ZDHHC14: variants seen among roughly 807,000 people sequenced by gnomAD.
The protein encoded by ZDHHC14 is zDHHC palmitoyltransferase 14.
ZDHHC14 carries 16 observed loss-of-function variants against 47.7 expected under a neutral mutation model. The observed-to-expected ratio is 0.34, with a 90% confidence interval of 0.23 to 0.51. The LOEUF is 0.51. Among genes scored for constraint, ZDHHC14 ranks in the 20% least tolerant of loss-of-function variants. The pLI, the probability that ZDHHC14 is intolerant of heterozygous loss-of-function variation, is 0.97. For synonymous variants in ZDHHC14, 293 were observed against 278.9 expected (o/e 1.05, Z -0.50); for missense variants, 515 against 662.5 (o/e 0.78, Z 2.44).
intron 1 of ZDHHC14, among the ~76,000 whole-genome samples, chr6:157,391,699 T>A (rs1387328668): frequency 1.3e-5 from 2 of 152,228 alleles, no homozygotes; most frequent in Non-Finnish European, 1.5e-5. Context: ...AGGAAGCGGC[T>A]ATTGGCCTTT....
At position 157,653,581 on chromosome 6, in the gene ZDHHC14, C is replaced by T. The variant is rs371549055; in HGVS notation, c.1022C>T (p.Ser341Phe). 7 of 1,614,010 alleles carry T rather than the reference C, an allele frequency of 4.3e-6. No homozygotes were observed. Among genetic ancestry groups the T allele is most frequent in the Non-Finnish European group, 5.9e-6 (7 of 1,179,986 alleles). Residue 341 changes from serine to phenylalanine, a missense_variant, in exon 8 of 9, where the codon TCC (serine) becomes TTC (phenylalanine). By Grantham distance (155) the Ser-to-Phe change is radical. This residue lies in a region of ZDHHC14 where 221 missense variants were observed against 233.6 expected (regional missense o/e 0.95). Coordinates refer to ENST00000359775, the MANE Select transcript of ZDHHC14 (RefSeq NM_024630.3). ...QPDTPQPAAP[S>F]NGITMYGATQ... ...GACACGCCGCAGCCAGCAGCACCCT[C>T]CAATGGCATCACCATGTACGGGGCC...
intron 1 of ZDHHC14, among the ~76,000 whole-genome samples, chr6:157,480,240 T>G (rs944577402): frequency 7.2e-5 from 11 of 151,840 alleles, no homozygotes; most frequent in Admixed American, 2.6e-4. Flanking sequence ...TCAGGTTTTT[T>G]TTGTTGTTGT....
intron 1 of ZDHHC14, among the ~76,000 whole-genome samples, chr6:157,484,312 TATAC>T (rs1779713215): frequency 8.9e-6 from 1 of 112,446 alleles, no homozygotes; most frequent in African/African-American, 3.0e-5. Context: ...TATACATATA[TATAC>T]ACATATATAT....
At chr6:157,394,343 A>G (rs1289483605) in intron 1 of ZDHHC14, among the ~76,000 whole-genome samples, 1 of 152,224 alleles carries the variant, frequency 6.6e-6, no homozygotes, top group East Asian at 1.9e-4. Context: ...CAGCCCACAT[A>G]TGAAGGACAG....
At chr6:157,631,678 C>T (rs960544708) in intron 4 of ZDHHC14, 1 of 152,242 alleles carries the variant, frequency 6.6e-6, no homozygotes. Flanking sequence ...GTCTGGATTT[C>T]CTTGGAGAGG....
intron 1 of ZDHHC14, among the ~76,000 whole-genome samples, chr6:157,438,390 G>T (rs1413885897): frequency 2.6e-5 from 4 of 152,176 alleles, no homozygotes; most frequent in Non-Finnish European, 5.9e-5. Flanking sequence ...TAATTTTAAA[G>T]ATTGTAAGGT....
chr6:157,641,438 A>G (rs1303948195), intron 5 of ZDHHC14, among the ~76,000 whole-genome samples: 1 of 152,196 alleles, frequency 6.6e-6, no homozygotes, highest in African/African-American at 2.4e-5. Flanking sequence ...CACTGTTTTA[A>G]TTTCCATTTT....
At chr6:157,452,866 C>T (rs1778835674) in intron 1 of ZDHHC14, among the ~76,000 whole-genome samples, 1 of 151,834 alleles carries the variant, frequency 6.6e-6, no homozygotes, top group African/African-American at 2.4e-5. Context: ...CCACACCCGG[C>T]TAATTTTTTT....
chr6:157,558,988 A>G (rs1221839160), intron 2 of ZDHHC14, among the ~76,000 whole-genome samples: 4 of 152,072 alleles, frequency 2.6e-5, no homozygotes, highest in African/African-American at 7.2e-5. Context: ...GTCTAATCAC[A>G]CTTCCCAACT....
At chr6:157,420,745 T>C (rs1778084440) in intron 1 of ZDHHC14, among the ~76,000 whole-genome samples, 1 of 152,230 alleles carries the variant, frequency 6.6e-6, no homozygotes, top group African/African-American at 2.4e-5. Flanking sequence ...TAGGAGCGAA[T>C]GACTCAGAAA....
intron 1 of ZDHHC14, among the ~76,000 whole-genome samples, chr6:157,526,790 G>GCCTT: frequency 6.6e-6 from 1 of 152,196 alleles, no homozygotes; most frequent in Non-Finnish European, 1.5e-5. Context: ...GTGCGCCAGG[G>GCCTT]CTCGGCTGAG....
chr6:157,453,720 G>A (rs1485157479), intron 1 of ZDHHC14, among the ~76,000 whole-genome samples: 1 of 151,620 alleles, frequency 6.6e-6, no homozygotes, highest in Non-Finnish European at 1.5e-5. Context: ...AGACCAGATG[G>A]GTGACTACCT....
intron 1 of ZDHHC14, among the ~76,000 whole-genome samples, chr6:157,469,088 G>C (rs1779293554): frequency 6.6e-6 from 1 of 152,206 alleles, no homozygotes; most frequent in East Asian, 1.9e-4. Context: ...GGTGAATCTG[G>C]CAGCAGAATC....
At chr6:157,631,733 A>G (rs1383390604) in intron 4 of ZDHHC14, 1 of 152,242 alleles carries the variant, frequency 6.6e-6, no homozygotes, top group African/African-American at 2.4e-5. Flanking sequence ...CAGTAGACAA[A>G]CAGAAATCAT....
At chr6:157,453,385 T>C (rs1456752393) in intron 1 of ZDHHC14, among the ~76,000 whole-genome samples, 1 of 152,220 alleles carries the variant, frequency 6.6e-6, no homozygotes, top group Non-Finnish European at 1.5e-5. Flanking sequence ...TAAATTCCCA[T>C]GAACTGTTAA....
At chr6:157,546,717 G>A (rs1330950521) in intron 2 of ZDHHC14, among the ~76,000 whole-genome samples, 1 of 152,210 alleles carries the variant, frequency 6.6e-6, no homozygotes, top group African/African-American at 2.4e-5. Context: ...GTAAGCAACT[G>A]ATTTGGGGTT....
chr6:157,550,455 C>G (rs1268130536), intron 2 of ZDHHC14, among the ~76,000 whole-genome samples: 1 of 135,808 alleles, frequency 7.4e-6, no homozygotes, highest in African/African-American at 3.7e-5. Flanking sequence ...GAGACCACGG[C>G]ATCACACAGG....
intron 1 of ZDHHC14, among the ~76,000 whole-genome samples, chr6:157,523,150 A>G (rs948447119): frequency 2.6e-5 from 4 of 151,746 alleles, no homozygotes; most frequent in Middle Eastern, 3.4e-3. Context: ...GCATTAGTCA[A>G]TGTGAATCTA....
rs543695186 is a variant in ZDHHC14, at chr6:157,463,822, C to A, written c.246-78763C>A. Among the ~76,000 whole-genome samples the A allele has an allele frequency of 6.6e-6, 1 of 152,034 alleles. No homozygotes were observed. Among genetic ancestry groups the A allele is most frequent in the African/African-American group, 2.4e-5 (1 of 41,394 alleles). ...GGCGGATGACCTGAGGTCAGGAGTT[C>A]GAGACCAGCCTGGCCAATGTGGTGA... On this transcript the variant is annotated intron_variant, in intron 1 of 8. Transcript: ENST00000359775. The surrounding 1 kb of genome is among the most constrained non-coding windows in gnomAD (Gnocchi z 4.4).
Sources: gnomAD v4.1 joint callset for allele counts (sites outside exome capture counted in the v4.1 genomes callset) on GRCh38, gnomAD v4.1.1 for gene constraint, gnomAD v4.1.1 regional missense constraint, Gnocchi (gnomAD v3.1) non-coding constraint, MANE v1.5 for transcripts, NCBI Gene and HGNC (gene_info 2026-07-23, HGNC 2026-07-21) for gene names.